PTPN9: variants seen among roughly 807,000 people sequenced by gnomAD.
PTPN9 encodes the protein protein tyrosine phosphatase non-receptor type 9.
PTPN9 carries 26 observed loss-of-function variants against 69.8 expected under a neutral mutation model. The observed-to-expected ratio is 0.37, with a 90% CI of 0.27 to 0.52. The LOEUF (loss-of-function observed/expected upper bound fraction) is 0.52. PTPN9 is among the 20% of genes least tolerant of loss of function. The probability of loss-of-function intolerance (pLI) is 0.91; values close to 1 mark genes in which losing one functional copy is unlikely to be tolerated. For missense variants in PTPN9, 549 were observed against 740.3 expected (o/e 0.74, Z 3.00); for synonymous variants, 274 against 272.5 (o/e 1.01, Z -0.05).
At chr15:75,489,373 G>C (rs2074697025) in intron 8 of PTPN9, among the ~76,000 whole-genome samples, 1 of 152,068 alleles carries the variant, frequency 6.6e-6, no homozygotes. Context: ...AGGATTGTTT[G>C]AGCACAAGAG....
intron 8 of PTPN9, among the ~76,000 whole-genome samples, chr15:75,489,480 T>C (rs1367510651): frequency 6.6e-6 from 1 of 152,092 alleles, no homozygotes; most frequent in Non-Finnish European, 1.5e-5. Flanking sequence ...TCTCAGCTAC[T>C]TGGGAGGCTG....
intron 8 of PTPN9, among the ~76,000 whole-genome samples, chr15:75,480,194 T>C (rs1326125255): frequency 6.6e-6 from 1 of 152,064 alleles, no homozygotes; most frequent in Non-Finnish European, 1.5e-5. Context: ...CTATTAAAAC[T>C]CTCAGAATAA....
In PTPN9 at chr15:75,468,928, A is replaced by G; in HGVS notation, c.1623T>C (p.Leu541=). Residue 541 remains leucine, a synonymous_variant, in exon 13 of 13, where the codon CTT becomes CTC. Transcript: ENST00000618819. ...CLAQLEELGT[L]NVFQTVSRMR... ...TGCGTGACACCGTCTGGAACACATT[A>G]AGGGTGCCAAGCTCCTCCAGCTGTG... The G allele has an allele frequency of 6.2e-7, 1 of 1,614,164 alleles. No individual in the cohort carries two copies. Among genetic ancestry groups the G allele is most frequent in the Non-Finnish European group, 8.5e-7 (1 of 1,179,986 alleles).
intron 9 of PTPN9, among the ~76,000 whole-genome samples, chr15:75,476,410 G>C (rs747585119): frequency 1.3e-5 from 2 of 152,118 alleles, no homozygotes; most frequent in Admixed American, 6.6e-5. Context: ...TGCCTGCCGC[G>C]TTCAAGCGAT....
In PTPN9 at chr15:75,492,389, A is replaced by G. The variant is rs185631826; in HGVS notation, c.969-2088T>C. On this transcript the variant is annotated intron_variant, in intron 7 of 12. Coordinates refer to ENST00000618819, the MANE Select transcript of PTPN9 (RefSeq NM_002833.4). ...GTGGCCAGACACAGAAGCTAGGACCAAGGGAGGTACCTATAGAGAGACAAG... is the reference window on the plus strand; with the variant it reads ...GTGGCCAGACACAGAAGCTAGGACCGAGGGAGGTACCTATAGAGAGACAAG... 2.0e-5 allele frequency among the ~76,000 whole-genome samples: 3 copies of G among 152,306 alleles called. 1 individual carries two copies. Among genetic ancestry groups the G allele is most frequent in the Admixed American group, 1.3e-4 (2 of 15,300 alleles).
chr15:75,466,131 G>T lies in PTPN9; in HGVS notation c.*2638C>A, dbSNP rs1340820524. The stretch of plus-strand genomic sequence containing the variant: ...GGTGAAAGAAGATACTTTGGAGTCA[G>T]ATGGTCTGGGATCCTGGCTGTAGCA... On this transcript the variant is annotated 3_prime_UTR_variant, in exon 13 of 13. Transcript: ENST00000618819. The T allele has an allele frequency of 3.3e-5, 5 of 152,250 alleles. No individual in the cohort carries two copies. The highest frequency in any genetic ancestry group is 1.2e-4 in the African/African-American group (5 of 41,468). The allele number at this position is 152,250 out of a possible 1,614,324, so 9.4% of individuals were successfully genotyped here.
rs1387099315 is a variant in PTPN9, at chr15:75,537,845, G to A, written c.64-10584C>T. ...AGGCCAAGGCAGGCGGATCACCTGAGGTCAGGCGTTCAAGACCAGCCTGGC... is the reference window on the plus strand; with the variant it reads ...AGGCCAAGGCAGGCGGATCACCTGAAGTCAGGCGTTCAAGACCAGCCTGGC... On this transcript the variant is annotated intron_variant, in intron 1 of 12. Transcript: ENST00000618819. Among the ~76,000 whole-genome samples, 3 of 150,822 alleles carry A rather than the reference G, an allele frequency of 2.0e-5. No homozygotes were observed. The Admixed American group carries it at 2.0e-4, about 10-fold the overall frequency.
Position 75,578,839 on chromosome 15 carries a change from G to C in PTPN9, c.-63C>G. 3 of 1,112,242 alleles carry C rather than the reference G, an allele frequency of 2.7e-6. No homozygotes were observed. Among genetic ancestry groups the C allele is most frequent in the Non-Finnish European group, 3.4e-6 (3 of 891,136 alleles). The allele number at this position is 1,112,242 out of a possible 1,614,324, so 68.9% of individuals were successfully genotyped here. A position where few individuals can be genotyped will look rare whatever the true frequency, so the allele number is the denominator to read the frequency against. On this transcript the variant is annotated 5_prime_UTR_variant, in exon 1 of 13. Coordinates refer to ENST00000618819, the MANE Select transcript of PTPN9 (RefSeq NM_002833.4). ...GCGAGCGCGGGAGCCCGGCGCGCTC[G>C]GCCTCCGCTTCCGCGTCCCCGCGCC...
intron 2 of PTPN9, among the ~76,000 whole-genome samples, chr15:75,524,647 G>C (rs902123177): frequency 6.6e-6 from 1 of 151,724 alleles, no homozygotes. Context: ...GCATGGTGGT[G>C]CGCGCCCATA....
chr15:75,505,351 A>T (rs1174506391), intron 7 of PTPN9, among the ~76,000 whole-genome samples: 1 of 148,748 alleles, frequency 6.7e-6, no homozygotes. Context: ...GCCTAGGAAA[A>T]CCAGAGACCT....
intron 1 of PTPN9, among the ~76,000 whole-genome samples, chr15:75,554,005 CTT>C (rs72050060): frequency 0.31 from 38,853 of 125,376 alleles, 5,010 homozygotes; most frequent in Middle Eastern, 0.44. Context: ...TACTTTCTTT[CTT>C]TTTTTTTTTT....
intron 5 of PTPN9, among the ~76,000 whole-genome samples, chr15:75,511,107 A>G (rs902825671): frequency 3.9e-5 from 6 of 152,144 alleles, no homozygotes; most frequent in African/African-American, 1.2e-4. Flanking sequence ...TTTCTTATCT[A>G]TTAATCCGTT....
chr15:75,527,185 G>A lies in PTPN9; in HGVS notation c.140C>T (p.Ala47Val). 1.9e-6 allele frequency: 3 copies of A among 1,614,170 alleles called. No homozygotes were observed. The highest frequency in any genetic ancestry group is 2.5e-6 in the Non-Finnish European group (3 of 1,180,016). ...CTTCCTTGCCATGAGGAACTTGACA[G>A]CCACATTCCAAGACAGCGGGGAAAC... ...YNVSPLSWNVAVKFLMARKFD... is the reference protein window; with the variant it reads ...YNVSPLSWNVVVKFLMARKFD... The change falls in exon 2 of 13, where the codon GCT becomes GTT. Residue 47 changes from alanine (A) to valine (V), a missense_variant. Coordinates refer to ENST00000618819, the MANE Select transcript of PTPN9 (RefSeq NM_002833.4).
intron 1 of PTPN9, among the ~76,000 whole-genome samples, chr15:75,556,410 C>T (rs998691350): frequency 3.5e-5 from 5 of 144,036 alleles, no homozygotes; most frequent in African/African-American, 1.3e-4. Flanking sequence ...CAGGGTCTCG[C>T]TCTGTCACCC....
At chr15:75,525,956 C>A (rs2141321723) in intron 2 of PTPN9, among the ~76,000 whole-genome samples, 1 of 151,760 alleles carries the variant, frequency 6.6e-6, no homozygotes, top group Non-Finnish European at 1.5e-5. Context: ...GAATCCAGTG[C>A]TGCCTTATCA....
intron 1 of PTPN9, among the ~76,000 whole-genome samples, chr15:75,564,853 C>T (rs1473940995): frequency 1.3e-5 from 2 of 151,716 alleles, no homozygotes; most frequent in Admixed American, 1.3e-4. Context: ...ACTGTAATCC[C>T]GGCACTTTGG....
intron 1 of PTPN9, among the ~76,000 whole-genome samples, chr15:75,529,948 T>C (rs2141323686): frequency 6.6e-6 from 1 of 150,692 alleles, no homozygotes; most frequent in East Asian, 2.0e-4. Flanking sequence ...GGCTTATGCC[T>C]GTAATCCCAG....
chr15:75,511,628 T>C (rs2074845525), intron 5 of PTPN9, among the ~76,000 whole-genome samples: 1 of 152,166 alleles, frequency 6.6e-6, no homozygotes, highest in Non-Finnish European at 1.5e-5. Flanking sequence ...TTTTTTTCTA[T>C]ATGGGTAGCT....
At chr15:75,539,372 C>T (rs1424968721) in intron 1 of PTPN9, among the ~76,000 whole-genome samples, 1 of 148,284 alleles carries the variant, frequency 6.7e-6, no homozygotes, top group East Asian at 2.0e-4. Flanking sequence ...GGAGTGCAAT[C>T]GCACAATCTT....
Sources: gnomAD v4.1 joint callset for allele counts (sites outside exome capture counted in the v4.1 genomes callset) on GRCh38, gnomAD v4.1.1 for gene constraint, MANE v1.5 for transcripts, NCBI Gene and HGNC (gene_info 2026-07-23, HGNC 2026-07-21) for gene names.